HLA-DRB5: variants seen among roughly 807,000 people sequenced by gnomAD.
The protein encoded by HLA-DRB5 is DR beta-5.
A neutral mutation model predicts 22.4 loss-of-function variants in HLA-DRB5; 11 were observed. The ratio of observed to expected loss-of-function variants is 0.49; its 90% CI spans 0.31 to 0.81. The LOEUF is 0.81. HLA-DRB5 is among the 40% of genes least tolerant of loss of function. The pLI is 0.05. For missense variants in HLA-DRB5, 106 were observed against 274.4 expected, an observed-to-expected ratio of 0.39 and a Z score of 4.34; for synonymous variants, 57 against 106.0, an observed-to-expected ratio of 0.54 and a Z score of 2.84.
chr6:32,520,307 G>A (rs146471755), intron 2 of HLA-DRB5, among the ~76,000 whole-genome samples: 4,009 of 54,536 alleles, frequency 0.074, 356 homozygotes, highest in East Asian at 0.12. Context: ...AGGAGACTGA[G>A]TATGAATGTT....
intron 1 of HLA-DRB5, among the ~76,000 whole-genome samples, chr6:32,524,531 C>T (rs13213784): frequency 0.011 from 972 of 85,248 alleles, 54 homozygotes; most frequent in South Asian, 0.028. Flanking sequence ...AGTCAGAAAC[C>T]AAGAAAATGA....
intron 1 of HLA-DRB5, among the ~76,000 whole-genome samples, chr6:32,529,820 G>A (rs1652187538): frequency 1.3e-5 from 2 of 149,580 alleles, no homozygotes; most frequent in African/African-American, 5.0e-5. Context: ...GCTGTATGGG[G>A]AATTTATTTT....
chr6:32,526,051 T>G (rs865777887), intron 1 of HLA-DRB5, among the ~76,000 whole-genome samples: 3,464 of 87,752 alleles, frequency 0.039, 2 homozygotes, highest in East Asian at 0.057. Flanking sequence ...TTCCTTTTGA[T>G]CCAGCTGGCT....
intron 1 of HLA-DRB5, among the ~76,000 whole-genome samples, chr6:32,523,567 C>A (rs139341231): frequency 0.011 from 551 of 49,716 alleles, 17 homozygotes; most frequent in African/African-American, 0.012. Context: ...CAGAGCATCA[C>A]TATTTGTGAC....
At chr6:32,524,646 T>C (rs1450147235) in intron 1 of HLA-DRB5, among the ~76,000 whole-genome samples, 1 of 132,546 alleles carries the variant, frequency 7.5e-6, no homozygotes, top group African/African-American at 2.9e-5. Context: ...CAGAGAGGTG[T>C]GCACCCTGGA....
rs562169334 is a variant in HLA-DRB5, at chr6:32,523,066, A to C, written c.101-892T>G. ...GACATCACAAGAAGCCAGGTATTGA[A>C]AAGCGTTGTGGGTGGTGTTAGGATC... On this transcript the variant is annotated intron_variant, in intron 1 of 5. Coordinates refer to ENST00000374975, the MANE Select transcript of HLA-DRB5 (RefSeq NM_002125.4). Among the ~76,000 whole-genome samples the C allele has an allele frequency of 4.7e-5, 5 of 105,660 alleles. No homozygotes were observed. In the South Asian group the frequency reaches 1.4e-3, roughly 31 times the overall value. 69.3% of individuals were successfully genotyped at this position (105,660 alleles called of 152,430 possible).
At chr6:32,528,242 G>A (rs141591416) in intron 1 of HLA-DRB5, among the ~76,000 whole-genome samples, 12,431 of 112,136 alleles carry the variant, frequency 0.11, 4 homozygotes, top group South Asian at 0.14. Context: ...CAAACCTGAT[G>A]TCTTTTCTTC....
At chr6:32,519,155 C>A (rs1364018878) in intron 3 of HLA-DRB5, among the ~76,000 whole-genome samples, 2,399 of 57,826 alleles carry the variant, frequency 0.041, 1 homozygote, top group African/African-American at 0.048. Flanking sequence ...AAAACAGGGA[C>A]AGCCTCTCCT....
intron 1 of HLA-DRB5, among the ~76,000 whole-genome samples, chr6:32,524,161 C>T (rs116328963): frequency 0.22 from 14,848 of 67,832 alleles, 328 homozygotes; most frequent in Middle Eastern, 0.31. Context: ...TGAAAAATAT[C>T]TGTGAATATC....
At chr6:32,519,174 G>GGC (rs1260868417) in intron 3 of HLA-DRB5, among the ~76,000 whole-genome samples, 196 bp downstream of exon 3, 3,257 of 64,972 alleles carry the variant, frequency 0.05, 46 homozygotes, top group Middle Eastern at 0.087. Flanking sequence ...CTTCCTGCCA[G>GGC]GAATGACTGC....
intron 1 of HLA-DRB5, among the ~76,000 whole-genome samples, chr6:32,528,347 A>C (rs1448943011): frequency 8.1e-5 from 1 of 12,370 alleles, no homozygotes; most frequent in Non-Finnish European, 1.6e-4. Context: ...GAGAGTCGGG[A>C]CCCTCTCTAT....
In HLA-DRB5 at chr6:32,526,013, C is replaced by T. The variant is rs35739325; in HGVS notation, c.101-3839G>A. 2.4e-3 allele frequency among the ~76,000 whole-genome samples: 202 copies of T among 84,226 alleles called. 4 individuals carry two copies. The highest frequency in any genetic ancestry group is 6.1e-3 in the South Asian group (16 of 2,626). The allele number at this position is 84,226 out of a possible 152,430, so 55.3% of individuals were successfully genotyped here. The stretch of plus-strand genomic sequence containing the variant: ...CGAGCATCTCTGGTTCACAGGTCCT[C>T]CTGCTTCTCTTCAGCCTCTTTAGCC... On this transcript the variant is annotated intron_variant, in intron 1 of 5. Transcript: ENST00000374975.
chr6:32,520,758 A>T (rs879289396), intron 2 of HLA-DRB5, among the ~76,000 whole-genome samples: 5,990 of 45,418 alleles, frequency 0.13, 1,241 homozygotes, highest in Non-Finnish European at 0.16. Context: ...AACCATTAAT[A>T]AAAGTTTTGG....
chr6:32,521,323 C>A, intron 2 of HLA-DRB5, among the ~76,000 whole-genome samples: 1 of 128,050 alleles, frequency 7.8e-6, no homozygotes, highest in East Asian at 2.2e-4. Flanking sequence ...GAAATTTAGA[C>A]CTAAAGAAGC....
chr6:32,522,178 T>G lies in HLA-DRB5; in HGVS notation c.101-4A>C, dbSNP rs36153736. On this transcript the variant is annotated splice_region_variant and splice_polypyrimidine_tract_variant and intron_variant, in intron 1 of 5. Coordinates refer to ENST00000374975, the MANE Select transcript of HLA-DRB5 (RefSeq NM_002125.4). ...TTATCCTGCTGCAAGAAACGTGCTG[T>G]GGGGACACGAAGGATCCGGTCACAG... 0.084 allele frequency: 63,194 copies of G among 749,034 alleles called. 9,167 individuals are homozygous for G. The highest frequency in any genetic ancestry group is 0.19 in the Admixed American group (6,273 of 33,244). The allele number at this position is 749,034 out of a possible 1,614,324, so 46.4% of individuals were successfully genotyped here. A position where few individuals can be genotyped will look rare whatever the true frequency, so the allele number is the denominator to read the frequency against.
chr6:32,520,422 C>CATGAGTCCTAA (rs1768691617), intron 2 of HLA-DRB5, among the ~76,000 whole-genome samples: 1 of 59,162 alleles, frequency 1.7e-5, no homozygotes, highest in African/African-American at 7.0e-5. Context: ...TTTAAGTTCC[C>CATGAGTCCTAA]AGCAAAGCAT....
intron 1 of HLA-DRB5, among the ~76,000 whole-genome samples, chr6:32,528,260 T>G (rs72849295): frequency 0.41 from 44,226 of 108,484 alleles, 11,958 homozygotes; most frequent in Middle Eastern, 0.47. Flanking sequence ...TTCAGTGCAC[T>G]ATGACTCTCT....
At chr6:32,525,397 A>G (rs796266742) in intron 1 of HLA-DRB5, among the ~76,000 whole-genome samples, 467 of 38,494 alleles carry the variant, frequency 0.012, 1 homozygote, top group Admixed American at 0.019. Flanking sequence ...TTTGATCCCT[A>G]TAACTGGAGC....
intron 1 of HLA-DRB5, among the ~76,000 whole-genome samples, chr6:32,529,166 A>T (rs34413716): frequency 0.059 from 7,124 of 119,902 alleles, no homozygotes; most frequent in Admixed American, 0.1. Context: ...CCAGGACTTG[A>T]TCATTAACTT....
Sources: gnomAD v4.1 joint callset for allele counts (sites outside exome capture counted in the v4.1 genomes callset) on GRCh38, gnomAD v4.1.1 for gene constraint, MANE v1.5 for transcripts, NCBI Gene and HGNC (gene_info 2026-07-23, HGNC 2026-07-21) for gene names.